Variants in SERPINA12 observed in about 807,000 individuals in gnomAD.
SERPINA12 encodes the protein serpin family A member 12.
A neutral mutation model predicts 25.9 loss-of-function variants in SERPINA12; 21 were observed. The ratio of observed to expected loss-of-function variants is 0.81; its 90% CI spans 0.58 to 1.17. The LOEUF is 1.17. SERPINA12 is among the 50% of genes most tolerant of loss of function. The probability of loss-of-function intolerance (pLI) is 0.00; values close to 1 mark genes in which losing one functional copy is unlikely to be tolerated. For missense variants in SERPINA12, 562 were observed against 508.3 expected (o/e 1.11, Z -1.02); for synonymous variants, 220 against 196.0 (o/e 1.12, Z -1.02).
At chr14:94,495,072 T>TTTA (rs1555377351) in intron 3 of SERPINA12, among the ~76,000 whole-genome samples, 1 of 140,328 alleles carries the variant, frequency 7.1e-6, no homozygotes, top group African/African-American at 2.7e-5. Flanking sequence ...TTCTTTTTTT[T>TTTA]TTTTTTTTTT....
chr14:94,509,558 C>T (rs1036163181), upstream of SERPINA12, among the ~76,000 whole-genome samples: 14 of 152,306 alleles, frequency 9.2e-5, 1 homozygote, highest in East Asian at 2.5e-3. Context: ...CACCTCCACC[C>T]CTTTCCCAGG....
chr14:94,501,659 C>A (rs1900727910), intron 1 of SERPINA12, among the ~76,000 whole-genome samples: 1 of 89,032 alleles, frequency 1.1e-5, no homozygotes, highest in Non-Finnish European at 2.1e-5. Flanking sequence ...ACTGCCACCA[C>A]CTCCCCGCCC....
Position 94,516,314 on chromosome 14 carries a change from T to C in SERPINA12, c.-352-160A>G, listed in dbSNP as rs79386185. On this transcript the variant is annotated intron_variant, in intron 1 of 5. Coordinates refer to the SERPINA12 transcript ENST00000341228. The stretch of plus-strand genomic sequence containing the variant: ...GGGGAGGGAGAAGAAAACCTGGGTA[T>C]GAGTTGGGGCAGAATGAGGCCTGGT... 5.4e-3 allele frequency among the ~76,000 whole-genome samples: 819 copies of C among 152,226 alleles called. 9 individuals are homozygous for C. Among genetic ancestry groups the C allele is most frequent in the African/African-American group, 0.019 (794 of 41,526 alleles).
intron 1 of SERPINA12, among the ~76,000 whole-genome samples, chr14:94,508,673 G>C (rs1334234721): frequency 1.3e-5 from 2 of 152,156 alleles, no homozygotes; most frequent in Non-Finnish European, 2.9e-5. Context: ...AAACTCTACA[G>C]AATATGTAAA....
In SERPINA12 at chr14:94,506,620, C is replaced by T. The variant is rs534461198; in HGVS notation, c.-34+2722G>A. Reference sequence around the variant, plus strand: ...CAGAAATTGTATATGTGACTTTGGGCTTCTGGTTCTTTAATTGCAAAATGG... The same window carrying T: ...CAGAAATTGTATATGTGACTTTGGGTTTCTGGTTCTTTAATTGCAAAATGG... On this transcript the variant is annotated intron_variant, in intron 1 of 4. Transcript: ENST00000677451. Among the ~76,000 whole-genome samples, 74 of 152,282 alleles carry T rather than the reference C, an allele frequency of 4.9e-4. 3 individuals are homozygous for T. In the South Asian group the frequency reaches 0.015, roughly 31 times the overall value.
upstream of SERPINA12, chr14:94,511,584 A>G (rs186676591): frequency 3.8e-5 from 37 of 985,398 alleles, no homozygotes; most frequent in African/African-American, 6.3e-4. Flanking sequence ...CAGAACAGGA[A>G]CCGACACCAC....
intron 1 of SERPINA12, chr14:94,503,416 C>A (rs1028212107): frequency 1.7e-6 from 1 of 596,786 alleles, no homozygotes; most frequent in African/African-American, 2.0e-5. Flanking sequence ...GGCACTAGAG[C>A]AATGCCCAGG....
intron 2 of SERPINA12, among the ~76,000 whole-genome samples, chr14:94,496,992 C>T (rs1214364392): frequency 6.6e-6 from 1 of 152,176 alleles, no homozygotes; most frequent in Non-Finnish European, 1.5e-5. Context: ...TGTGAGTAGA[C>T]TCTTCTTTAG....
intron 2 of SERPINA12, among the ~76,000 whole-genome samples, chr14:94,514,627 G>A (rs941057301): frequency 2.0e-5 from 3 of 152,220 alleles, no homozygotes; most frequent in Non-Finnish European, 2.9e-5. Context: ...GTAGGTGTCC[G>A]GCAGTTGGGG....
chr14:94,501,644 G>A, intron 1 of SERPINA12, among the ~76,000 whole-genome samples: 1 of 150,296 alleles, frequency 6.7e-6, no homozygotes, highest in Non-Finnish European at 1.5e-5. Flanking sequence ...TGCTGATCAG[G>A]TGGCACTGCC....
upstream of SERPINA12, chr14:94,511,782 C>T (rs1901117785): frequency 1.1e-6 from 1 of 916,376 alleles, no homozygotes; most frequent in Non-Finnish European, 1.3e-6. Flanking sequence ...AGAGAAATAA[C>T]ACAAGTCCTC....
chr14:94,513,016 C>T (rs1901148277), upstream of SERPINA12, among the ~76,000 whole-genome samples: 1 of 152,208 alleles, frequency 6.6e-6, no homozygotes, highest in Admixed American at 6.5e-5. Context: ...CAGCTCAAGC[C>T]ACTAGCATAA....
chr14:94,501,164 T>A (rs1025086973), intron 1 of SERPINA12: 1 of 984,906 alleles, frequency 1.0e-6, no homozygotes, highest in Non-Finnish European at 1.2e-6. Flanking sequence ...CATTTCAGGG[T>A]TTAGGGGGCT....
At position 94,489,776 on chromosome 14, in the gene SERPINA12, T is replaced by C. The variant is rs749528245; in HGVS notation, c.906-9A>G. 13 of 1,613,440 alleles carry C rather than the reference T, an allele frequency of 8.1e-6. No individual in the cohort carries two copies. Among genetic ancestry groups the C allele is most frequent in the Middle Eastern group, 1.7e-4 (1 of 6,046 alleles). On this transcript the variant is annotated splice_polypyrimidine_tract_variant and intron_variant, in intron 3 of 4. Coordinates refer to ENST00000677451, the MANE Select transcript of SERPINA12 (RefSeq NM_001382267.1). ...CAGACACGTCTACGACCCTGGGGAA[T>C]TGACACGACAAGGGTGAGTGGTCAA...
rs368156724 is a variant in SERPINA12, at chr14:94,487,381, G to A, written c.1167C>T (p.Pro389=). The A allele has an allele frequency of 2.5e-5, 41 of 1,614,034 alleles. No homozygotes were observed. Among genetic ancestry groups the A allele is most frequent in the Non-Finnish European group, 3.2e-5 (38 of 1,180,010 alleles). ...ETPLVVKIDK[P]YLLLIYSEKI... ...TCTCGCTGTAAATCAGCAGCAGATA[G>A]GGTTTGTCTATCTTGACGACGAGTG... The change falls in exon 5 of 5, where the codon CCC becomes CCT. Residue 389 remains proline, a synonymous_variant. Transcript: ENST00000677451.
chr14:94,498,588 C>A (rs1289348834), intron 1 of SERPINA12, among the ~76,000 whole-genome samples, 158 bp from the exon 2 acceptor site: 2 of 152,080 alleles, frequency 1.3e-5, no homozygotes, highest in Non-Finnish European at 2.9e-5. Context: ...TTATAATCAC[C>A]CTGGGGACTA....
chr14:94,491,249 T>C (rs2145496), intron 3 of SERPINA12, among the ~76,000 whole-genome samples: 2,054 of 152,268 alleles, frequency 0.013, 30 homozygotes, highest in Admixed American at 0.021. Flanking sequence ...CCTACATACA[T>C]GTACTAGCGG....
At chr14:94,491,911 G>A (rs1299650478) in intron 3 of SERPINA12, among the ~76,000 whole-genome samples, 1 of 152,186 alleles carries the variant, frequency 6.6e-6, no homozygotes, top group African/African-American at 2.4e-5. Flanking sequence ...CGTGGTAATA[G>A]AGATGGTGTT....
chr14:94,494,311 C>T (rs1179868093), intron 3 of SERPINA12, among the ~76,000 whole-genome samples: 1 of 152,174 alleles, frequency 6.6e-6, no homozygotes, highest in African/African-American at 2.4e-5. Flanking sequence ...GGGGATGTCC[C>T]CATGTTGAGA....
Sources: allele counts gnomAD v4.1 joint callset (sites outside exome capture counted in the v4.1 genomes callset), GRCh38; gene constraint gnomAD v4.1.1; transcripts MANE v1.5; gene names NCBI Gene and HGNC (gene_info 2026-07-23, HGNC 2026-07-21).